GOLGA8B: variants seen among roughly 807,000 people sequenced by gnomAD.
GOLGA8B encodes the protein golgin subfamily A member 8B.
A neutral mutation model predicts 15.6 loss-of-function variants in GOLGA8B; 1 was observed. The ratio of observed to expected loss-of-function variants is 0.06; its 90% CI spans 0.02 to 0.30. GOLGA8B has a LOEUF of 0.30. GOLGA8B is among the 10% of genes least tolerant of loss of function. GOLGA8B has a pLI of 1.00. For missense variants in GOLGA8B, 17 were observed against 201.3 expected (o/e 0.08, Z 5.54); for synonymous variants, 9 against 80.3 (o/e 0.11, Z 4.75).
chr15:34,579,085 C>T (rs1889160368), intron 1 of GOLGA8B, among the ~76,000 whole-genome samples: 1 of 152,096 alleles, frequency 6.6e-6, no homozygotes. Flanking sequence ...AGGCAAGAGG[C>T]CTCATGCGCA....
chr15:34,569,417 G>A (rs1273108568), intron 1 of GOLGA8B, among the ~76,000 whole-genome samples: 1 of 151,896 alleles, frequency 6.6e-6, no homozygotes, highest in African/African-American at 2.4e-5. Context: ...CTGGAAAGCT[G>A]ACCACCCCCA....
At chr15:34,581,899 A>C (rs557167290) in intron 1 of GOLGA8B, among the ~76,000 whole-genome samples, 1 of 152,000 alleles carries the variant, frequency 6.6e-6, no homozygotes, top group Non-Finnish European at 1.5e-5. Flanking sequence ...CAGGGAGCCC[A>C]CTCCAAGGGC....
intron 1 of GOLGA8B, among the ~76,000 whole-genome samples, chr15:34,577,853 G>C (rs956254184): frequency 1.3e-5 from 2 of 152,114 alleles, no homozygotes; most frequent in Non-Finnish European, 2.9e-5. Flanking sequence ...AAGTTGCTCC[G>C]GTGAGTCAGT....
chr15:34,582,661 C>T (rs1439881179), intron 1 of GOLGA8B: 1 of 152,312 alleles, frequency 6.6e-6, no homozygotes, highest in Non-Finnish European at 1.5e-5. Flanking sequence ...ACTGGGGTAC[C>T]GCAGGACAGG....
At chr15:34,578,722 G>C (rs181502810) in intron 1 of GOLGA8B, among the ~76,000 whole-genome samples, 131 of 152,316 alleles carry the variant, frequency 8.6e-4, no homozygotes, top group Middle Eastern at 6.8e-3. Flanking sequence ...CATTCCAGTG[G>C]TTTCGCCATG....
intron 1 of GOLGA8B, among the ~76,000 whole-genome samples, chr15:34,563,587 T>C (rs1274733242): frequency 1.3e-5 from 2 of 151,190 alleles, no homozygotes; most frequent in African/African-American, 4.9e-5. Flanking sequence ...TGTGTGTTTA[T>C]ACAATCTTTA....
chr15:34,556,969 G>C (rs1888504947), intron 1 of GOLGA8B: 2 of 592,132 alleles, frequency 3.4e-6, no homozygotes, highest in South Asian at 4.1e-5. Context: ...GGTCCAGTTG[G>C]GAGACATGTT....
rs1415721458 is a variant in GOLGA8B at position 34,539,248 on chromosome 15, T to C, written c.-381-1601A>G. Among the ~76,000 whole-genome samples, 302 of 104,318 alleles carry C rather than the reference T, an allele frequency of 2.9e-3. 1 individual carries two copies. The highest frequency in any genetic ancestry group is 7.7e-3 in the African/African-American group (226 of 29,504). 68.4% of individuals were successfully genotyped at this position (104,318 alleles called of 152,430 possible). On this transcript the variant is annotated intron_variant, in intron 7 of 23. Coordinates refer to ENST00000683415, the MANE Select transcript of GOLGA8B (RefSeq NM_001023567.5). Reference sequence around the variant, plus strand: ...AATTATTTGGGTGAGCTACAGGCAGTCTTCAAGAAGCTTCTGAAGAAACAG... The same window carrying C: ...AATTATTTGGGTGAGCTACAGGCAGCCTTCAAGAAGCTTCTGAAGAAACAG...
At chr15:34,561,302 G>A (rs1888620343) in intron 1 of GOLGA8B, among the ~76,000 whole-genome samples, 1 of 150,640 alleles carries the variant, frequency 6.6e-6, no homozygotes, top group Non-Finnish European at 1.5e-5. Context: ...TTTTTAAATT[G>A]TAGTAATACA....
chr15:34,569,719 A>G (rs1478347195), intron 1 of GOLGA8B, among the ~76,000 whole-genome samples: 1 of 151,490 alleles, frequency 6.6e-6, no homozygotes, highest in African/African-American at 2.4e-5. Flanking sequence ...TAAAAAGTCT[A>G]TGATGTGCAA....
At chr15:34,574,951 G>A (rs1392631024) in intron 1 of GOLGA8B, 5 of 152,080 alleles carry the variant, frequency 3.3e-5, no homozygotes, top group Non-Finnish European at 4.4e-5. Context: ...CAGGCGCCCT[G>A]GCCTATCGAG....
intron 1 of GOLGA8B, among the ~76,000 whole-genome samples, chr15:34,564,355 TAAA>T (rs58970262): frequency 1.9e-5 from 2 of 105,474 alleles, no homozygotes; most frequent in Admixed American, 9.7e-5. Context: ...TGTAGATTCT[TAAA>T]AAAAAAAAAA....
At chr15:34,573,657 A>T (rs2081563) in intron 1 of GOLGA8B, among the ~76,000 whole-genome samples, 6 of 152,198 alleles carry the variant, frequency 3.9e-5, no homozygotes, top group African/African-American at 1.4e-4. Context: ...ATTGTGGGGA[A>T]TTGATGTAGA....
chr15:34,572,201 C>T lies in GOLGA8B; in HGVS notation c.-1123+11315G>A, dbSNP rs186940191. Among the ~76,000 whole-genome samples the T allele has an allele frequency of 1.6e-3, 240 of 152,280 alleles. No individual in the cohort carries two copies. In the Middle Eastern group the frequency reaches 0.024, roughly 15 times the overall value. On this transcript the variant is annotated intron_variant, in intron 1 of 23. Coordinates refer to ENST00000683415, the MANE Select transcript of GOLGA8B (RefSeq NM_001023567.5). ...GAGTGTCAGTGGGGACACCGCTGCC[C>T]CACACACTAGCATCATTTAGAATGG...
intron 1 of GOLGA8B, among the ~76,000 whole-genome samples, chr15:34,557,687 T>C (rs1595704104): frequency 9.4e-6 from 1 of 106,082 alleles, no homozygotes. Flanking sequence ...TGTGTGTCTG[T>C]GTACTGAGAG....
intron 1 of GOLGA8B, among the ~76,000 whole-genome samples, chr15:34,575,932 G>T (rs183830694): frequency 3.3e-5 from 5 of 152,340 alleles, no homozygotes; most frequent in Admixed American, 2.6e-4. Context: ...TGCATGGGTG[G>T]ATAGATGGAC....
chr15:34,570,513 C>T (rs1405138654), intron 1 of GOLGA8B, among the ~76,000 whole-genome samples: 1 of 113,432 alleles, frequency 8.8e-6, no homozygotes, highest in Non-Finnish European at 1.9e-5. Flanking sequence ...AACCCACTGA[C>T]CATGAAGCAG....
chr15:34,579,926 A>G (rs1209854695), intron 1 of GOLGA8B, among the ~76,000 whole-genome samples: 1 of 152,224 alleles, frequency 6.6e-6, no homozygotes, highest in African/African-American at 2.4e-5. Flanking sequence ...TACATAAATA[A>G]CACACTGAAT....
intron 1 of GOLGA8B, among the ~76,000 whole-genome samples, chr15:34,571,064 G>A (rs1252809871): frequency 1.4e-5 from 2 of 147,752 alleles, no homozygotes; most frequent in Non-Finnish European, 3.0e-5. Flanking sequence ...GGTGGCTCAT[G>A]CCTGTAATCC....
Sources: gnomAD v4.1 joint callset for allele counts (sites outside exome capture counted in the v4.1 genomes callset) on GRCh38, gnomAD v4.1.1 for gene constraint, MANE v1.5 for transcripts, NCBI Gene and HGNC (gene_info 2026-07-23, HGNC 2026-07-21) for gene names.